Variants in PPP3CB observed in about 807,000 individuals in gnomAD.
The protein encoded by PPP3CB is serine/threonine-protein phosphatase 2B catalytic subunit beta isoform.
In PPP3CB, 8 loss-of-function variants were observed where a neutral mutation model predicts 66.4. The ratio of observed to expected loss-of-function variants is 0.12; its 90% CI spans 0.07 to 0.22. The LOEUF (loss-of-function observed/expected upper bound fraction) is 0.22, where lower values mean the gene tolerates loss of function less well. Ranked by LOEUF, PPP3CB falls within the 10% of genes least tolerant of loss-of-function variation. The pLI is 1.00. For synonymous variants in PPP3CB, 208 were observed against 221.2 expected (o/e 0.94, Z 0.53); for missense variants, 319 against 642.5 (o/e 0.50, Z 5.44).
At chr10:73,461,879 G>A (rs1489207524) in intron 9 of PPP3CB, among the ~76,000 whole-genome samples, 1 of 152,136 alleles carries the variant, frequency 6.6e-6, no homozygotes, top group Non-Finnish European at 1.5e-5. Context: ...GGATCATGGG[G>A]GTGGATTTCT....
At chr10:73,481,653 T>C (rs1370620534) in intron 1 of PPP3CB, among the ~76,000 whole-genome samples, 2 of 141,204 alleles carry the variant, frequency 1.4e-5, no homozygotes, top group Non-Finnish European at 3.0e-5. Context: ...AAAACTAGGT[T>C]AGATTCCTAT....
intron 1 of PPP3CB, among the ~76,000 whole-genome samples, chr10:73,481,625 T>TAAAAAAAAACAAA (rs533404783): frequency 0.038 from 5,288 of 138,304 alleles, 271 homozygotes; most frequent in African/African-American, 0.13. Context: ...TTAAAGTAAC[T>TAAAAAAAAACAAA]AAAAAAAAAC....
chr10:73,463,516 T>C (rs1251976686), intron 9 of PPP3CB, among the ~76,000 whole-genome samples: 1 of 152,226 alleles, frequency 6.6e-6, no homozygotes, highest in Admixed American at 6.5e-5. Flanking sequence ...AGACCTATGA[T>C]TTCTTGCTTT....
At chr10:73,476,890 C>A (rs1191693138) in intron 3 of PPP3CB, among the ~76,000 whole-genome samples, 2 of 152,072 alleles carry the variant, frequency 1.3e-5, no homozygotes, top group South Asian at 4.1e-4. Flanking sequence ...CAGACAGAGT[C>A]TAGAACTTCC....
At chr10:73,451,742 C>CTTT (rs765483729) in intron 10 of PPP3CB, among the ~76,000 whole-genome samples, 25 of 124,608 alleles carry the variant, frequency 2.0e-4, no homozygotes, top group Non-Finnish European at 2.4e-4. Context: ...TCACTCATCT[C>CTTT]TTTTTTTTTT....
At chr10:73,453,816 T>A (rs965492231) in intron 10 of PPP3CB, among the ~76,000 whole-genome samples, 1 of 152,192 alleles carries the variant, frequency 6.6e-6, no homozygotes, top group Non-Finnish European at 1.5e-5. Flanking sequence ...CAAAATAAAA[T>A]GAATTGTTTC....
intron 9 of PPP3CB, among the ~76,000 whole-genome samples, chr10:73,461,563 T>A (rs1589696796): frequency 6.6e-6 from 1 of 152,222 alleles, no homozygotes; most frequent in South Asian, 2.1e-4. Context: ...GTTTATTTTA[T>A]CCAATGCCTA....
At chr10:73,457,579 A>C (rs2056449422) in intron 9 of PPP3CB, among the ~76,000 whole-genome samples, 2 of 152,026 alleles carry the variant, frequency 1.3e-5, no homozygotes, top group Admixed American at 1.3e-4. Context: ...CTCTACTAAA[A>C]ATACAAAAAT....
At chr10:73,464,270 G>A (rs2056580781) in intron 9 of PPP3CB, among the ~76,000 whole-genome samples, 3 of 152,022 alleles carry the variant, frequency 2.0e-5, no homozygotes, top group South Asian at 2.1e-4. Context: ...ATAAAACTAC[G>A]CTTGTCTTGG....
At chr10:73,479,754 A>C (rs188066170) in intron 1 of PPP3CB, among the ~76,000 whole-genome samples, 27 of 152,358 alleles carry the variant, frequency 1.8e-4, no homozygotes, top group Admixed American at 3.3e-4. Flanking sequence ...CACAAAATTA[A>C]GTTCTTTCAG....
intron 10 of PPP3CB, among the ~76,000 whole-genome samples, chr10:73,453,407 C>CGTGT (rs141940852): frequency 3.3e-5 from 5 of 151,276 alleles, no homozygotes; most frequent in African/African-American, 7.3e-5. Flanking sequence ...ATTAAATTTT[C>CGTGT]GTGTGTGTGT....
At chr10:73,473,946 C>T (rs2056743643) in intron 4 of PPP3CB, among the ~76,000 whole-genome samples, 1 of 152,090 alleles carries the variant, frequency 6.6e-6, no homozygotes, top group Non-Finnish European at 1.5e-5. Flanking sequence ...TGTTAGGATT[C>T]CTCACAGGAA....
At chr10:73,472,305 G>C (rs531097421) in intron 4 of PPP3CB, among the ~76,000 whole-genome samples, 124 of 152,164 alleles carry the variant, frequency 8.1e-4, no homozygotes, top group African/African-American at 2.7e-3. Context: ...GACCAGTCTG[G>C]CCAACATGGC....
intron 10 of PPP3CB, among the ~76,000 whole-genome samples, chr10:73,447,532 G>A (rs1370985534): frequency 6.6e-6 from 1 of 152,190 alleles, no homozygotes; most frequent in Non-Finnish European, 1.5e-5. Flanking sequence ...CCATGGTTGA[G>A]GAGAAGGTTA....
intron 10 of PPP3CB, among the ~76,000 whole-genome samples, chr10:73,452,119 A>G (rs1207732496): frequency 6.6e-6 from 1 of 152,232 alleles, no homozygotes; most frequent in East Asian, 1.9e-4. Flanking sequence ...CATAATATCA[A>G]TTAAAACTCT....
Position 73,438,115 on chromosome 10 carries a change from C to G in PPP3CB, c.*127G>C. ...CTCCATCCAGGAAGGGGGCTAGGGT[C>G]TCAGAAGCACAATGGTTTCTTCAGA... On this transcript the variant is annotated 3_prime_UTR_variant, in exon 14 of 14. Transcript: ENST00000360663. 1.0e-6 allele frequency: 1 copy of G among 960,890 alleles called. No homozygotes were observed. Among genetic ancestry groups the G allele is most frequent in the Non-Finnish European group, 1.5e-6 (1 of 657,328 alleles). 59.5% of individuals were successfully genotyped at this position (960,890 alleles called of 1,614,324 possible).
chr10:73,471,315 T>C (rs748716627), intron 5 of PPP3CB, 106 bp from the exon 6 acceptor site: 4 of 1,355,650 alleles, frequency 3.0e-6, no homozygotes, highest in Non-Finnish European at 4.0e-6. Flanking sequence ...TACTATATTA[T>C]TGTGAATAAA....
At chr10:73,465,855 T>C (rs2056610623) in intron 9 of PPP3CB, among the ~76,000 whole-genome samples, 1 of 152,256 alleles carries the variant, frequency 6.6e-6, no homozygotes, top group South Asian at 2.1e-4. Context: ...ATTTTCTTAC[T>C]GTGCTCAACA....
intron 1 of PPP3CB, among the ~76,000 whole-genome samples, chr10:73,487,186 A>G (rs1279398540): frequency 2.0e-5 from 3 of 152,168 alleles, no homozygotes; most frequent in Non-Finnish European, 4.4e-5. Context: ...ACTAGTCATC[A>G]TAGGCTCAAG....
Sources: gnomAD v4.1 joint callset for allele counts (sites outside exome capture counted in the v4.1 genomes callset) on GRCh38, gnomAD v4.1.1 for gene constraint, MANE v1.5 for transcripts, NCBI Gene and HGNC (gene_info 2026-07-23, HGNC 2026-07-21) for gene names.